The following HERC2 variants were observed in gnomAD, a reference collection of about 807,000 sequenced individuals.
HERC2 encodes E3 ubiquitin-protein ligase HERC2.
HERC2 carries 102 observed loss-of-function variants against 537.7 expected under a neutral mutation model. That is an observed-to-expected ratio of 0.19 (90% CI 0.16 to 0.22). The LOEUF is 0.22. Among genes scored for constraint, HERC2 ranks in the 10% least tolerant of loss-of-function variants. The pLI is 1.00. For synonymous variants in HERC2, 2,224 were observed against 2,466.2 expected (o/e 0.90, Z 2.91); for missense variants, 4,236 against 6,198.2 (o/e 0.68, Z 10.63).
chr15:28,159,813 T>C (rs571620725), intron 69 of HERC2, among the ~76,000 whole-genome samples: 2 of 152,328 alleles, frequency 1.3e-5, no homozygotes, highest in South Asian at 2.1e-4. Flanking sequence ...ATGCTCTGAT[T>C]TTTAGAATTT....
chr15:28,169,622 C>T lies in HERC2; in HGVS notation c.10091G>A (p.Ser3364Asn). The T allele has an allele frequency of 6.2e-7, 1 of 1,613,402 alleles. No homozygotes were observed. Among genetic ancestry groups the T allele is most frequent in the Middle Eastern group, 1.7e-4 (1 of 6,056 alleles). ...VPSDADSSAA[S>N]NKISGASNSK... ...ATTACTTGCACCACTTATTTTATTA[C>T]TGGCAGCAGAAGAATCAGCATCTGA... The change falls in exon 66 of 93, where the codon AGT (serine) becomes AAT (asparagine). Residue 3364 changes from serine to asparagine, a missense_variant. By Grantham distance (46) the Ser-to-Asn change is conservative (BLOSUM62 1). Around this residue, in one of 27 missense-constraint regions of HERC2, gnomAD observed 356 missense variants for 450.9 expected, o/e 0.79. Transcript: ENST00000261609.
At chr15:28,321,709 G>C (rs537948579) in intron 1 of HERC2, among the ~76,000 whole-genome samples, 38 of 127,390 alleles carry the variant, frequency 3.0e-4, no homozygotes, top group Middle Eastern at 7.7e-3. Flanking sequence ...ACGAGACCTT[G>C]AGAATGGACG....
intron 2 of HERC2, among the ~76,000 whole-genome samples, chr15:28,309,913 T>C (rs2076894193): frequency 6.6e-6 from 1 of 152,228 alleles, no homozygotes; most frequent in Non-Finnish European, 1.5e-5. Context: ...TCTGTTCACA[T>C]CACTAACAGG....
Position 28,202,377 on chromosome 15 carries a change from C to A in HERC2, c.7450G>T (p.Gly2484Cys), listed in dbSNP as rs2140344779. 1 of 1,613,764 alleles carries A rather than the reference C, an allele frequency of 6.2e-7. No individual in the cohort carries two copies. Among genetic ancestry groups the A allele is most frequent in the East Asian group, 2.2e-5 (1 of 44,862 alleles). The stretch of plus-strand genomic sequence containing the variant: ...AAGCTGGATGCATTCCCGGAAGCAC[C>A]AGTGAGAGACTTCAGGGCAAACTCG... ...NIEFALKSLT[G>C]ASGNASSLPG... The change falls in exon 46 of 93, where the codon GGT becomes TGT. Residue 2484 changes from glycine (G) to cysteine (C), a missense_variant. This residue lies in a region of HERC2 where 606 missense variants were observed against 884.5 expected (regional missense o/e 0.69). Coordinates refer to ENST00000261609, the MANE Select transcript of HERC2 (RefSeq NM_004667.6).
At chr15:28,128,956 T>C (rs992706512) in intron 83 of HERC2, among the ~76,000 whole-genome samples, 2 of 152,090 alleles carry the variant, frequency 1.3e-5, no homozygotes, top group Admixed American at 6.6e-5. Flanking sequence ...ACTTTGAAAA[T>C]CTTTCTACTA....
In HERC2 at chr15:28,263,294, T is replaced by C. The variant is rs1006451453; in HGVS notation, c.1871-125A>G. On this transcript the variant is annotated intron_variant, in intron 14 of 92. Transcript: ENST00000261609. ...GACCACTCAGGTACATAGTTAACACTACAAGGGTGGCTACTGAGCAAACGA... is the reference window on the plus strand; with the variant it reads ...GACCACTCAGGTACATAGTTAACACCACAAGGGTGGCTACTGAGCAAACGA... 32 of 1,026,810 alleles carry C rather than the reference T, an allele frequency of 3.1e-5. No homozygotes were observed. In the African/African-American group the frequency reaches 5.2e-4, roughly 17 times the overall value. 63.6% of individuals were successfully genotyped at this position (1,026,810 alleles called of 1,614,324 possible). A position where few individuals can be genotyped will look rare whatever the true frequency, so the allele number is the denominator to read the frequency against.
chr15:28,177,108 G>A lies in HERC2; in HGVS notation c.9274C>T (p.Leu3092=), dbSNP rs764162947. 11 of 1,612,558 alleles carry A rather than the reference G, an allele frequency of 6.8e-6. No individual in the cohort carries two copies. Among genetic ancestry groups the A allele is most frequent in the Admixed American group, 1.7e-5 (1 of 59,894 alleles). Residue 3092 remains leucine (L), a synonymous_variant, in exon 61 of 93, where the codon CTG becomes TTG. Coordinates refer to ENST00000261609, the MANE Select transcript of HERC2 (RefSeq NM_004667.6). The surrounding 1 kb of genome is among the most constrained non-coding windows in gnomAD (Gnocchi z 5.0). ...CGCTTGGTTTTCAGGGCCTCGATCA[G>A]CCTTGGTTTGTCACAGTTCCTACAA... is the stretch of plus-strand genomic sequence containing the variant. ...FSRMNCDKPR[L]IEALKTKRIR...
intron 4 of HERC2, among the ~76,000 whole-genome samples, chr15:28,287,045 G>A (rs2076175274): frequency 1.3e-5 from 2 of 152,176 alleles, no homozygotes; most frequent in South Asian, 2.1e-4. Context: ...ATATGTGCGT[G>A]CGCGCTGTAA....
intron 20 of HERC2, among the ~76,000 whole-genome samples, chr15:28,248,953 T>C (rs1047132113): frequency 6.6e-6 from 1 of 152,164 alleles, no homozygotes; most frequent in Non-Finnish European, 1.5e-5. Context: ...AAAGAGATAA[T>C]GATGCCCTCG....
intron 12 of HERC2, among the ~76,000 whole-genome samples, chr15:28,266,360 A>T (rs532950768): frequency 6.6e-6 from 1 of 152,232 alleles, no homozygotes; most frequent in African/African-American, 2.4e-5. Flanking sequence ...TACTAAAAAT[A>T]CAAAATTAGG....
At chr15:28,188,357 G>A (rs1181455594) in intron 55 of HERC2, among the ~76,000 whole-genome samples, 5 of 151,978 alleles carry the variant, frequency 3.3e-5, no homozygotes, top group Non-Finnish European at 4.4e-5. Context: ...CCTCGCTAAC[G>A]GTGAAACCCC....
At position 28,248,706 on chromosome 15, in the gene HERC2, C is replaced by A. The variant is rs746165226; in HGVS notation, c.3081G>T (p.Leu1027Phe). 4.3e-5 allele frequency: 69 copies of A among 1,613,906 alleles called. No homozygotes were observed. The highest frequency in any genetic ancestry group is 5.6e-5 in the Non-Finnish European group (66 of 1,179,924). The change falls in exon 21 of 93, where the codon TTG becomes TTT. Residue 1027 changes from leucine to phenylalanine, a missense_variant. Leu to Phe is a conservative substitution (Grantham distance 22). Around this residue, in one of 27 missense-constraint regions of HERC2, gnomAD observed 754 missense variants for 1,085.0 expected, o/e 0.69. Coordinates refer to ENST00000261609, the MANE Select transcript of HERC2 (RefSeq NM_004667.6). ...ATGAAATCCGACGGGCAACATCTTT[C>A]AATCTGGCTACAGTCTGAGAAGCAA... is the stretch of plus-strand genomic sequence containing the variant. The part of the protein sequence containing the change: ...RNIASQTVAR[L>F]KDVARRISSC...
chr15:28,170,781 T>C (rs1894617211), intron 65 of HERC2, among the ~76,000 whole-genome samples: 1 of 151,182 alleles, frequency 6.6e-6, no homozygotes, highest in East Asian at 1.9e-4. Context: ...ATCTAGAATA[T>C]ATAATGAACT....
intron 70 of HERC2, among the ~76,000 whole-genome samples, chr15:28,146,579 C>G (rs1471769332): frequency 6.6e-6 from 1 of 152,116 alleles, no homozygotes; most frequent in Non-Finnish European, 1.5e-5. Context: ...TTGTTTTGTG[C>G]GGTCACTCCC....
Position 28,280,113 on chromosome 15 carries a change from T to C in HERC2, c.497A>G (p.Lys166Arg), listed in dbSNP as rs770937985. The change falls in exon 5 of 93, where the codon AAG becomes AGG. Residue 166 changes from lysine to arginine, a missense_variant. Physicochemically the swap from Lys to Arg is conservative, Grantham distance 26. Transcript: ENST00000261609. The part of the protein sequence containing the change: ...RTVFQENVKV[K>R]WKSSGISLPP... ...CAGAGAAATACCGCTGCTTTTCCACTTAACTTTGACATTCTCCTGAAAAAC... is the reference window on the plus strand; with the variant it reads ...CAGAGAAATACCGCTGCTTTTCCACCTAACTTTGACATTCTCCTGAAAAAC... The C allele has an allele frequency of 2.5e-6, 4 of 1,614,048 alleles. No individual in the cohort carries two copies. In the African/African-American group the frequency reaches 4.0e-5, roughly 16 times the overall value.
intron 80 of HERC2, 114 bp downstream of exon 80, chr15:28,132,539 T>C (rs1890213905): frequency 2.8e-6 from 3 of 1,070,654 alleles, no homozygotes; most frequent in Non-Finnish European, 3.8e-6. Flanking sequence ...AAAAATACAG[T>C]GGGCCTTCTA....
chr15:28,241,872 C>A (rs1157506146), intron 23 of HERC2, among the ~76,000 whole-genome samples: 2 of 152,140 alleles, frequency 1.3e-5, no homozygotes, highest in East Asian at 3.9e-4. Flanking sequence ...TATACACACC[C>A]ACATTCATAG....
chr15:28,168,007 T>C (rs1894321759), intron 67 of HERC2, among the ~76,000 whole-genome samples, 180 bp from the exon 68 acceptor site: 3 of 152,224 alleles, frequency 2.0e-5, no homozygotes, highest in African/African-American at 7.2e-5. Context: ...CAGTCAGGCC[T>C]AGGACAGTTT....
At chr15:28,317,256 CTT>C (rs1012870995) in intron 2 of HERC2, among the ~76,000 whole-genome samples, 44 of 152,226 alleles carry the variant, frequency 2.9e-4, no homozygotes, top group African/African-American at 9.6e-4. Context: ...ACGCCTGACT[CTT>C]TTGTATTTTT....
Sources: gnomAD v4.1 joint callset for allele counts (sites outside exome capture counted in the v4.1 genomes callset) on GRCh38, gnomAD v4.1.1 for gene constraint, gnomAD v4.1.1 regional missense constraint, Gnocchi (gnomAD v3.1) non-coding constraint, MANE v1.5 for transcripts, NCBI Gene and HGNC (gene_info 2026-07-23, HGNC 2026-07-21) for gene names.